Variants in TXNRD1 observed in about 807,000 individuals in gnomAD.
TXNRD1 encodes thioredoxin reductase 1, cytoplasmic.
Under a neutral mutation model 80.3 loss-of-function variants are expected in TXNRD1, and 57 were observed. That is an observed-to-expected ratio of 0.71 (90% CI 0.57 to 0.89). TXNRD1 has a LOEUF of 0.89. Ranked by LOEUF, TXNRD1 falls within the 40% of genes least tolerant of loss-of-function variation. TXNRD1 has a pLI of 0.00. For missense variants in TXNRD1, 730 were observed against 803.0 expected (o/e 0.91, Z 1.10); for synonymous variants, 291 against 285.2 (o/e 1.02, Z -0.20).
chr12:104,231,747 T>G (rs970942523), intron 1 of TXNRD1, among the ~76,000 whole-genome samples: 1 of 152,228 alleles, frequency 6.6e-6, no homozygotes, highest in Non-Finnish European at 1.5e-5. Context: ...CCCTACTCAC[T>G]TTCATTACCT....
chr12:104,258,267 A>T, intron 3 of TXNRD1, 188 bp downstream of exon 3: 1 of 531,740 alleles, frequency 1.9e-6, no homozygotes, highest in South Asian at 2.5e-5. Context: ...TTTAGCCTTT[A>T]CCTAGTGTAT....
At chr12:104,333,606 C>T (rs951544182) in intron 14 of TXNRD1, among the ~76,000 whole-genome samples, 3 of 151,908 alleles carry the variant, frequency 2.0e-5, no homozygotes, top group Non-Finnish European at 4.4e-5. Context: ...TAAAAGGTAG[C>T]GAATCATGTT....
At chr12:104,322,898 A>G (rs1013223741) in intron 10 of TXNRD1, among the ~76,000 whole-genome samples, 4 of 145,368 alleles carry the variant, frequency 2.8e-5, no homozygotes, top group African/African-American at 7.7e-5. Flanking sequence ...GAAGGTCAGC[A>G]GATAAACAAG....
chr12:104,248,578 C>A (rs986067625), intron 1 of TXNRD1, among the ~76,000 whole-genome samples: 1 of 152,182 alleles, frequency 6.6e-6, no homozygotes, highest in Non-Finnish European at 1.5e-5. Flanking sequence ...GTGAGCCACG[C>A]GCCTGGCCAC....
intron 2 of TXNRD1, among the ~76,000 whole-genome samples, chr12:104,257,403 CTTTTT>C (rs57917719): frequency 1.3e-5 from 1 of 76,984 alleles, no homozygotes. Flanking sequence ...TGTTCCAATG[CTTTTT>C]TTTTTTTTTT....
At chr12:104,233,171 A>G (rs2032661212) in intron 1 of TXNRD1, among the ~76,000 whole-genome samples, 1 of 152,244 alleles carries the variant, frequency 6.6e-6, no homozygotes, top group Admixed American at 6.5e-5. Flanking sequence ...CATAGAATGT[A>G]CTTATTCCCT....
At chr12:104,249,704 G>C (rs1020013585) in intron 1 of TXNRD1, among the ~76,000 whole-genome samples, 2 of 152,084 alleles carry the variant, frequency 1.3e-5, no homozygotes, top group Non-Finnish European at 2.9e-5. Flanking sequence ...GGGAGGCCAA[G>C]GTGGGCAGAT....
intron 1 of TXNRD1, among the ~76,000 whole-genome samples, chr12:104,224,370 G>A (rs1299079903): frequency 1.3e-5 from 2 of 151,850 alleles, no homozygotes; most frequent in Non-Finnish European, 2.9e-5. Context: ...GCTCCTGGGG[G>A]TAAGGATGTC....
chr12:104,304,594 C>A (rs376622366), intron 4 of TXNRD1: 1 of 1,613,944 alleles, frequency 6.2e-7, no homozygotes, highest in South Asian at 1.1e-5. Flanking sequence ...CAGAAAAAAA[C>A]GTAGAAAGGA....
At chr12:104,334,204 A>T (rs371358016) in intron 14 of TXNRD1, 33 bp from the exon 15 acceptor site, 1 of 1,174,532 alleles carries the variant, frequency 8.5e-7, no homozygotes, top group African/African-American at 1.6e-5. Flanking sequence ...GTTTAAAATA[A>T]TGGGTCTAAA....
At position 104,215,911 on chromosome 12, in the gene TXNRD1, G is replaced by A; in HGVS notation, c.91+18G>A. 1 of 1,544,244 alleles carries A rather than the reference G, an allele frequency of 6.5e-7. No individual in the cohort carries two copies. The highest frequency in any genetic ancestry group is 8.8e-7 in the Non-Finnish European group (1 of 1,141,726). On this transcript the variant is annotated intron_variant, in intron 1 of 16. Coordinates refer to ENST00000525566, the MANE Select transcript of TXNRD1 (RefSeq NM_001093771.3). ...TAGGTCAGGTACGACCGAGGGCGAA[G>A]GCCTGGTCCCCAGGTCGACGGGCCG...
At chr12:104,319,288 T>TTTGTG (rs1229466834) in intron 8 of TXNRD1, among the ~76,000 whole-genome samples, 182 bp from the exon 9 acceptor site, 1 of 152,212 alleles carries the variant, frequency 6.6e-6, no homozygotes, top group Non-Finnish European at 1.5e-5. Context: ...CAGCACTTAC[T>TTTGTG]AACATTGTGA....
chr12:104,251,730 CTT>C (rs2033122766), intron 2 of TXNRD1, 52 bp downstream of exon 2: 4 of 1,584,592 alleles, frequency 2.5e-6, no homozygotes, highest in South Asian at 2.2e-5. Context: ...ATTTGACAGA[CTT>C]TTGAGCTCAA....
intron 3 of TXNRD1, among the ~76,000 whole-genome samples, chr12:104,272,346 G>A (rs562328311): frequency 2.0e-4 from 30 of 152,234 alleles, no homozygotes; most frequent in African/African-American, 7.0e-4. Flanking sequence ...TGAGTGGTTT[G>A]GTGGGAAAAA....
intron 3 of TXNRD1, among the ~76,000 whole-genome samples, chr12:104,276,896 G>C (rs2135730587): frequency 6.6e-6 from 1 of 152,288 alleles, no homozygotes; most frequent in East Asian, 1.9e-4. Context: ...TTCATTAAGT[G>C]ATGGTTCTAA....
intron 1 of TXNRD1, among the ~76,000 whole-genome samples, chr12:104,216,663 A>G (rs1224592818): frequency 6.6e-6 from 1 of 152,220 alleles, no homozygotes; most frequent in African/African-American, 2.4e-5. Context: ...CTGAGAAGCA[A>G]AGAGGTTATA....
At position 104,348,469 on chromosome 12, in the gene TXNRD1, T is replaced by G; in HGVS notation, c.*48T>G. ...CAAGACTGCAAACCACTGGCTCGTT[T>G]CCGTGCCCAAATCCAAGGCGAAGTT... On this transcript the variant is annotated 3_prime_UTR_variant, in exon 17 of 17. Transcript: ENST00000525566. 1 of 1,594,292 alleles carries G rather than the reference T, an allele frequency of 6.3e-7. No individual in the cohort carries two copies. The highest frequency in any genetic ancestry group is 8.6e-7 in the Non-Finnish European group (1 of 1,162,642).
At chr12:104,327,259 C>G (rs568363236) in intron 12 of TXNRD1, among the ~76,000 whole-genome samples, 2 of 152,298 alleles carry the variant, frequency 1.3e-5, no homozygotes, top group East Asian at 1.9e-4. Context: ...TCACTCTTAA[C>G]CACTGTGTTG....
chr12:104,250,420 T>C (rs997607407), intron 1 of TXNRD1, among the ~76,000 whole-genome samples: 1 of 152,252 alleles, frequency 6.6e-6, no homozygotes, highest in African/African-American at 2.4e-5. Context: ...AATTTAAAAC[T>C]ATATTTCAAA....
Sources: allele counts gnomAD v4.1 joint callset (sites outside exome capture counted in the v4.1 genomes callset), GRCh38; gene constraint gnomAD v4.1.1; transcripts MANE v1.5; gene names NCBI Gene and HGNC (gene_info 2026-07-23, HGNC 2026-07-21).